The following AKAP13 variants were observed in gnomAD, a reference collection of about 807,000 sequenced individuals.
AKAP13 encodes the protein A-kinase anchoring protein 13.
AKAP13 carries 80 observed loss-of-function variants against 264.5 expected under a neutral mutation model. The ratio of observed to expected loss-of-function variants is 0.30; its 90% CI spans 0.25 to 0.36. The LOEUF (loss-of-function observed/expected upper bound fraction) is 0.36. Among genes scored for constraint, AKAP13 ranks in the 10% least tolerant of loss-of-function variants. The probability of loss-of-function intolerance (pLI) is 1.00; values close to 1 mark genes in which losing one functional copy is unlikely to be tolerated. For synonymous variants in AKAP13, 1,380 were observed against 1,250.2 expected (o/e 1.10, Z -2.19); for missense variants, 3,712 against 3,435.2 (o/e 1.08, Z -2.01).
At chr15:85,413,398 G>A (rs140276145) in intron 1 of AKAP13, among the ~76,000 whole-genome samples, 3 of 151,424 alleles carry the variant, frequency 2.0e-5, no homozygotes, top group East Asian at 1.9e-4. Context: ...TTCAGTTGTC[G>A]TTGCTTATGC....
rs978303289 is a variant in AKAP13, at chr15:85,718,419, C to A, written c.6001+260C>A. On this transcript the variant is annotated intron_variant, in intron 22 of 36. Coordinates refer to ENST00000394518, the MANE Select transcript of AKAP13 (RefSeq NM_007200.5). This position sits in a 1 kb window ranked among gnomAD's most constrained non-coding sequence, Gnocchi z 4.9. ...ATACAGCAGTCCTAGAAAGAGATAT[C>A]TCAGTTTTTTTCCTTACCTACACTA... 7.9e-5 allele frequency among the ~76,000 whole-genome samples: 12 copies of A among 152,112 alleles called. No homozygotes were observed. Among genetic ancestry groups the A allele is most frequent in the Non-Finnish European group, 1.8e-4 (12 of 68,020 alleles).
chr15:85,610,349 C>G (rs1372390049), intron 8 of AKAP13, among the ~76,000 whole-genome samples: 8 of 152,322 alleles, frequency 5.3e-5, no homozygotes, highest in Non-Finnish European at 1.2e-4. Flanking sequence ...CACCCTGCCT[C>G]TCTCCTTCAG....
chr15:85,714,495 C>T (rs769489625), intron 19 of AKAP13, among the ~76,000 whole-genome samples: 2 of 152,208 alleles, frequency 1.3e-5, no homozygotes, highest in Non-Finnish European at 2.9e-5. Flanking sequence ...TGCTCGCTAG[C>T]AGGGAGCGCA....
intron 8 of AKAP13, among the ~76,000 whole-genome samples, chr15:85,630,234 A>ACACACACACACAC (rs2081680818): frequency 8.4e-6 from 1 of 119,064 alleles, no homozygotes; most frequent in Non-Finnish European, 1.7e-5. Flanking sequence ...GGAAAATTGT[A>ACACACACACACAC]ACACACACAC....
intron 6 of AKAP13, chr15:85,577,968 A>G (rs10459683): frequency 0.63 from 174,963 of 276,492 alleles, 55,839 homozygotes; most frequent in Middle Eastern, 0.7. Context: ...GTGTAAGTAG[A>G]CTCTGCCCTT....
chr15:85,712,049 G>A lies in AKAP13; in HGVS notation c.5599+1404G>A, dbSNP rs144912926. Among the ~76,000 whole-genome samples, 17 of 152,166 alleles carry A rather than the reference G, an allele frequency of 1.1e-4. No individual in the cohort carries two copies. The East Asian group carries it at 1.2e-3, about 10-fold the overall frequency. ...GGGTCTCACTACGTTGCCCAGGCTC[G>A]TCTCAAACTCCTGGCCTCAAGCAGT... On this transcript the variant is annotated intron_variant, in intron 19 of 36. Transcript: ENST00000394518.
At chr15:85,604,482 A>G (rs1345231349) in intron 8 of AKAP13, among the ~76,000 whole-genome samples, 1 of 145,794 alleles carries the variant, frequency 6.9e-6, no homozygotes, top group Non-Finnish European at 1.5e-5. Flanking sequence ...TTTTTTTTTT[A>G]AGTTGGAGCC....
At chr15:85,620,300 T>A in intron 8 of AKAP13, 2 of 842,068 alleles carry the variant, frequency 2.4e-6, no homozygotes, top group East Asian at 5.3e-5. Context: ...CAGTGGAGGA[T>A]GAGGGGTGAA....
chr15:85,741,481 C>T lies in AKAP13; in HGVS notation c.8044C>T (p.Arg2682Trp), dbSNP rs143887632. 1.0e-4 allele frequency: 160 copies of T among 1,593,760 alleles called. No homozygotes were observed. Among genetic ancestry groups the T allele is most frequent in the Admixed American group, 1.5e-4 (9 of 58,842 alleles). ...GCGGCTCAGCCAGCGGCAGACAGAA[C>T]GGGACCTGTGTCAGGTAATGGGACT... ...AERLSQRQTE[R>W]DLCQVSHPHT... Residue 2682 changes from arginine to tryptophan, a missense_variant, in exon 35 of 37, where the codon CGG becomes TGG. Arg to Trp is a moderately radical substitution (Grantham distance 101, BLOSUM62 -3). This residue lies in a region of AKAP13 where 611 missense variants were observed against 539.3 expected (regional missense o/e 1.13). Coordinates refer to ENST00000394518, the MANE Select transcript of AKAP13 (RefSeq NM_007200.5).
chr15:85,458,029 A>G (rs2074342979), intron 1 of AKAP13, among the ~76,000 whole-genome samples: 2 of 151,226 alleles, frequency 1.3e-5, no homozygotes, highest in East Asian at 1.9e-4. Context: ...AATCCCACCT[A>G]CTCTAGAGGC....
chr15:85,712,167 C>G (rs1365135036), intron 19 of AKAP13, among the ~76,000 whole-genome samples: 1 of 152,146 alleles, frequency 6.6e-6, no homozygotes, highest in African/African-American at 2.4e-5. Flanking sequence ...CCAGGTGATT[C>G]TGATGCCCAC....
intron 10 of AKAP13, among the ~76,000 whole-genome samples, chr15:85,651,072 G>A (rs1242506210): frequency 6.6e-6 from 1 of 152,082 alleles, no homozygotes; most frequent in African/African-American, 2.4e-5. Context: ...ATTTCTTCAA[G>A]TATAGTAATA....
chr15:85,631,111 C>T (rs185957893), intron 8 of AKAP13, among the ~76,000 whole-genome samples: 4 of 152,196 alleles, frequency 2.6e-5, no homozygotes, highest in Admixed American at 1.3e-4. Context: ...AAGTAAAGTA[C>T]TGTTACATGC....
At chr15:85,531,429 C>T (rs2077239014) in intron 3 of AKAP13, among the ~76,000 whole-genome samples, 1 of 152,156 alleles carries the variant, frequency 6.6e-6, no homozygotes, top group South Asian at 2.1e-4. Context: ...TGATGGATGT[C>T]TAGCTTTTAG....
At chr15:85,688,143 A>G (rs2085057295) in intron 16 of AKAP13, among the ~76,000 whole-genome samples, 1 of 152,134 alleles carries the variant, frequency 6.6e-6, no homozygotes, top group African/African-American at 2.4e-5. Context: ...GCATTTTACC[A>G]TGCAGAAGTA....
At chr15:85,709,424 A>C (rs1188284108) in intron 18 of AKAP13, among the ~76,000 whole-genome samples, 1 of 152,122 alleles carries the variant, frequency 6.6e-6, no homozygotes, top group Non-Finnish European at 1.5e-5. Context: ...GGATGGCTGG[A>C]GCTGAGTGGT....
chr15:85,490,492 G>C (rs1162203428), intron 2 of AKAP13, among the ~76,000 whole-genome samples: 1 of 152,236 alleles, frequency 6.6e-6, no homozygotes, highest in East Asian at 1.9e-4. Context: ...TTGACACCAT[G>C]TGACTGTAAG....
At chr15:85,411,637 C>T (rs2071974379) in intron 1 of AKAP13, among the ~76,000 whole-genome samples, 1 of 152,160 alleles carries the variant, frequency 6.6e-6, no homozygotes, top group Admixed American at 6.5e-5. Context: ...CAGGGTTTCA[C>T]CGTGTTACCC....
intron 1 of AKAP13, among the ~76,000 whole-genome samples, chr15:85,452,489 A>G (rs1054163477): frequency 9.2e-5 from 14 of 152,208 alleles, no homozygotes; most frequent in Non-Finnish European, 1.3e-4. Context: ...ATTTCTCGTC[A>G]GTGTGTGTGG....
Sources: gnomAD v4.1 joint callset for allele counts (sites outside exome capture counted in the v4.1 genomes callset) on GRCh38, gnomAD v4.1.1 for gene constraint, gnomAD v4.1.1 regional missense constraint, Gnocchi (gnomAD v3.1) non-coding constraint, MANE v1.5 for transcripts, NCBI Gene and HGNC (gene_info 2026-07-23, HGNC 2026-07-21) for gene names.